SH3BP4: variants seen among roughly 807,000 people sequenced by gnomAD.
The protein encoded by SH3BP4 is SH3 domain-binding protein 4.
SH3BP4 carries 33 observed loss-of-function variants against 65.5 expected under a neutral mutation model. The ratio of observed to expected loss-of-function variants is 0.50; its 90% CI spans 0.38 to 0.67. The LOEUF (loss-of-function observed/expected upper bound fraction) is 0.67, where lower values mean the gene tolerates loss of function less well. Among genes scored for constraint, SH3BP4 ranks in the 30% least tolerant of loss-of-function variants. SH3BP4 has a pLI of 0.00. For synonymous variants in SH3BP4, 552 were observed against 545.5 expected (o/e 1.01, Z -0.17); for missense variants, 1,134 against 1,261.4 (o/e 0.90, Z 1.53).
chr2:234,955,981 A>G (rs1440152765), intron 1 of SH3BP4, among the ~76,000 whole-genome samples: 1 of 152,212 alleles, frequency 6.6e-6, no homozygotes, highest in African/African-American at 2.4e-5. Flanking sequence ...TGCTGAAATT[A>G]AAGAAACAAA....
intron 1 of SH3BP4, among the ~76,000 whole-genome samples, chr2:234,982,831 C>T (rs1574790150): frequency 1.3e-5 from 2 of 151,422 alleles, no homozygotes; most frequent in East Asian, 3.9e-4. Context: ...CAGAGAACCC[C>T]GAAATGGGGC....
At chr2:235,003,520 C>T (rs1454631891) in intron 2 of SH3BP4, among the ~76,000 whole-genome samples, 1 of 152,188 alleles carries the variant, frequency 6.6e-6, no homozygotes, top group African/African-American at 2.4e-5. Context: ...TCCCATTTTG[C>T]CAGCACCTGT....
At chr2:235,032,035 G>A (rs1281207351) in intron 2 of SH3BP4, among the ~76,000 whole-genome samples, 1 of 152,098 alleles carries the variant, frequency 6.6e-6, no homozygotes, top group African/African-American at 2.4e-5. Context: ...GAGGCGGCGC[G>A]GTGGCCGAGG....
intron 2 of SH3BP4, among the ~76,000 whole-genome samples, chr2:235,020,771 C>G (rs963997789): frequency 3.3e-5 from 5 of 152,030 alleles, no homozygotes; most frequent in Admixed American, 6.6e-5. Flanking sequence ...TTTTGTGTAC[C>G]TATTATCTCA....
In SH3BP4 at chr2:235,052,771, G is replaced by A. The variant is rs149129303; in HGVS notation, c.2667+21G>A. 4.7e-5 allele frequency: 73 copies of A among 1,541,072 alleles called. No individual in the cohort carries two copies. Among genetic ancestry groups the A allele is most frequent in the African/African-American group, 1.8e-4 (13 of 73,062 alleles). On this transcript the variant is annotated intron_variant, in intron 5 of 5. Coordinates refer to ENST00000392011, the MANE Select transcript of SH3BP4 (RefSeq NM_014521.3). This position sits in a 1 kb window ranked among gnomAD's most constrained non-coding sequence, Gnocchi z 5.0. ...GCGAGGTGAGCAGCGGCTGAGCTTC[G>A]AGCTCACCGAGCCCCTCTGTCCCTG...
At chr2:235,005,933 C>T (rs942116090) in intron 2 of SH3BP4, among the ~76,000 whole-genome samples, 9 of 152,358 alleles carry the variant, frequency 5.9e-5, no homozygotes, top group East Asian at 1.9e-4. Context: ...ATTGGAATCC[C>T]GCTCTTGCGT....
At chr2:234,994,218 G>A (rs1013084478) in intron 1 of SH3BP4, among the ~76,000 whole-genome samples, 15 of 152,160 alleles carry the variant, frequency 9.9e-5, no homozygotes, top group African/African-American at 3.4e-4. Flanking sequence ...TGAGAGGGGG[G>A]ATCTGTGCTC....
At chr2:234,963,510 C>T (rs957758571) in intron 1 of SH3BP4, among the ~76,000 whole-genome samples, 2 of 152,202 alleles carry the variant, frequency 1.3e-5, no homozygotes, top group African/African-American at 4.8e-5. Context: ...CAGATCCTGA[C>T]GTGCTTTGCG....
At chr2:234,957,557 G>A (rs1692615294) in intron 1 of SH3BP4, among the ~76,000 whole-genome samples, 1 of 151,388 alleles carries the variant, frequency 6.6e-6, no homozygotes, top group South Asian at 2.1e-4. Flanking sequence ...CTGAGTAACC[G>A]AATTTGGCCA....
chr2:235,019,021 C>T (rs1694769494), intron 2 of SH3BP4, among the ~76,000 whole-genome samples: 1 of 152,154 alleles, frequency 6.6e-6, no homozygotes, highest in African/African-American at 2.4e-5. Context: ...GCTTGCCTGC[C>T]AGAGGGAACA....
At chr2:235,032,111 T>C (rs993273595) in intron 2 of SH3BP4, among the ~76,000 whole-genome samples, 1 of 152,112 alleles carries the variant, frequency 6.6e-6, no homozygotes, top group African/African-American at 2.4e-5. Context: ...CACACATTGG[T>C]GATTAACAGG....
rs2106249880 is a variant in SH3BP4, at chr2:234,974,484, A to C, written c.-206-20819A>C. Among the ~76,000 whole-genome samples, 1 of 152,364 alleles carries C rather than the reference A, an allele frequency of 6.6e-6. No homozygotes were observed. The highest frequency in any genetic ancestry group is 1.9e-4 in the East Asian group (1 of 5,186). On this transcript the variant is annotated intron_variant, in intron 1 of 5. Transcript: ENST00000392011. This position sits in a 1 kb window ranked among gnomAD's most constrained non-coding sequence, Gnocchi z 4.6. ...GGGCAGGATGAGTTGCTCTGTGGACAGGCAGCCCTGGAGCTAACAGGAGTA... is the reference window on the plus strand; with the variant it reads ...GGGCAGGATGAGTTGCTCTGTGGACCGGCAGCCCTGGAGCTAACAGGAGTA...
intron 1 of SH3BP4, among the ~76,000 whole-genome samples, chr2:234,963,545 TG>T (rs1400411783): frequency 4.6e-5 from 7 of 152,146 alleles, no homozygotes; most frequent in African/African-American, 1.4e-4. Flanking sequence ...AGTGGGAGGG[TG>T]GGTCAACAGA....
chr2:235,038,387 A>C (rs1339830961), intron 3 of SH3BP4, among the ~76,000 whole-genome samples: 1 of 14,146 alleles, frequency 7.1e-5, no homozygotes, highest in Admixed American at 1.5e-3. Flanking sequence ...ATATATATAT[A>C]TATATATATA....
At chr2:234,995,095 G>T (rs1693870040) in intron 1 of SH3BP4, 1 of 152,262 alleles carries the variant, frequency 6.6e-6, no homozygotes, top group Admixed American at 6.5e-5. Flanking sequence ...CCCGGTGAAG[G>T]TCCTTCCGCT....
Position 235,052,803 on chromosome 2 carries a change from G to A in SH3BP4, c.2667+53G>A, listed in dbSNP as rs1005196220. 8.4e-5 allele frequency: 123 copies of A among 1,466,376 alleles called. No individual in the cohort carries two copies. Among genetic ancestry groups the A allele is most frequent in the Non-Finnish European group, 9.6e-5 (105 of 1,090,674 alleles). 90.8% of individuals were successfully genotyped at this position (1,466,376 alleles called of 1,614,324 possible). On this transcript the variant is annotated intron_variant, in intron 5 of 5. Transcript: ENST00000392011. The surrounding 1 kb of genome is among the most constrained non-coding windows in gnomAD (Gnocchi z 5.0). ...CCGAGCCCCTCTGTCCCTGGGTTCC[G>A]TGGACCCATGCAGTGCAGCCATAAA...
At chr2:234,999,297 C>T (rs1037787761) in intron 2 of SH3BP4, among the ~76,000 whole-genome samples, 20 of 152,306 alleles carry the variant, frequency 1.3e-4, no homozygotes, top group African/African-American at 3.4e-4. Context: ...TTTTAACATA[C>T]TTGAGGCTTT....
chr2:235,048,409 C>A (rs1695944866), intron 4 of SH3BP4, among the ~76,000 whole-genome samples: 1 of 152,136 alleles, frequency 6.6e-6, no homozygotes, highest in African/African-American at 2.4e-5. Flanking sequence ...CAGCTCACTG[C>A]AGCCTCGAAC....
chr2:235,029,040 T>C (rs1346395146), intron 2 of SH3BP4, among the ~76,000 whole-genome samples: 1 of 152,162 alleles, frequency 6.6e-6, no homozygotes, highest in African/African-American at 2.4e-5. Context: ...TGACTGACTT[T>C]TCAAAATGTT....
Sources: gnomAD v4.1 joint callset for allele counts (sites outside exome capture counted in the v4.1 genomes callset) on GRCh38, gnomAD v4.1.1 for gene constraint, Gnocchi (gnomAD v3.1) non-coding constraint, MANE v1.5 for transcripts, NCBI Gene and HGNC (gene_info 2026-07-23, HGNC 2026-07-21) for gene names.